DNAH17: variants seen among roughly 807,000 people sequenced by gnomAD.
DNAH17 encodes dynein axonemal heavy chain 17, also known as axonemal beta dynein heavy chain 17.
DNAH17 carries 376 observed loss-of-function variants against 485.6 expected under a neutral mutation model. The observed-to-expected ratio is 0.77, with a 90% CI of 0.71 to 0.84. DNAH17 has a LOEUF of 0.84. DNAH17 is among the 40% of genes least tolerant of loss of function. The pLI is 0.00. For missense variants in DNAH17, 6,370 were observed against 5,839.3 expected (o/e 1.09, Z -2.96); for synonymous variants, 3,031 against 2,405.9 (o/e 1.26, Z -7.60).
At chr17:78,479,781 T>A in intron 49 of DNAH17, 149 bp from the exon 50 acceptor site, 1 of 1,051,282 alleles carries the variant, frequency 9.5e-7, no homozygotes, top group Non-Finnish European at 1.4e-6. Flanking sequence ...CCTTGTGCCT[T>A]GCATGTGGTA....
chr17:78,570,790 G>A (rs941422937), intron 6 of DNAH17, among the ~76,000 whole-genome samples, 158 bp downstream of exon 6: 1 of 146,742 alleles, frequency 6.8e-6, no homozygotes, highest in African/African-American at 2.5e-5. Flanking sequence ...CCAGGGAGTT[G>A]GAGGTTGCAG....
chr17:78,531,950 A>G (rs2091251654), intron 20 of DNAH17, among the ~76,000 whole-genome samples: 1 of 152,216 alleles, frequency 6.6e-6, no homozygotes, highest in Non-Finnish European at 1.5e-5. Flanking sequence ...ATTTTGAGAG[A>G]CAACAAACAA....
At chr17:78,452,156 C>T (rs985681651) in intron 65 of DNAH17, among the ~76,000 whole-genome samples, 4 of 151,956 alleles carry the variant, frequency 2.6e-5, no homozygotes, top group Non-Finnish European at 1.5e-5. Flanking sequence ...TCAGCACTCA[C>T]ACCAGGCCCC....
In DNAH17 at chr17:78,501,777, C is replaced by T. The variant is rs757081109; in HGVS notation, c.5287G>A (p.Ala1763Thr). 9.6e-5 allele frequency: 155 copies of T among 1,613,756 alleles called. No homozygotes were observed. Among genetic ancestry groups the T allele is most frequent in the East Asian group, 4.5e-5 (2 of 44,894 alleles). ...IMTICTIDVH[A>T]RDVVAKMIVA... ...ATCATTTTGGCCACCACGTCCCGTG[C>T]GTGCACATCGATGGTGCAGATGGTC... Residue 1763 changes from alanine to threonine, a missense_variant, in exon 34 of 81, where the codon GCA (alanine) becomes ACA (threonine). Ala to Thr is a moderately conservative substitution (Grantham distance 58). Transcript: ENST00000389840.
intron 14 of DNAH17, among the ~76,000 whole-genome samples, chr17:78,554,473 G>A (rs10454081): frequency 0.017 from 2,079 of 123,490 alleles, 1 homozygote; most frequent in Non-Finnish European, 0.022. Context: ...AAAAAAAAAG[G>A]ATAGGTTCTA....
chr17:78,489,781 T>C (rs116694715), intron 44 of DNAH17, among the ~76,000 whole-genome samples: 8,730 of 116,392 alleles, frequency 0.075, 885 homozygotes, highest in African/African-American at 0.25. Flanking sequence ...TGGAATATCC[T>C]GGGGTTGGAC....
At chr17:78,478,974 T>A (rs191073951) in intron 51 of DNAH17, 51 bp downstream of exon 51, 62 of 1,512,380 alleles carry the variant, frequency 4.1e-5, no homozygotes, top group Non-Finnish European at 5.6e-5. Flanking sequence ...CACCTGTGGA[T>A]CAGGCACTGG....
At chr17:78,431,808 G>C (rs531143221) in intron 75 of DNAH17, among the ~76,000 whole-genome samples, 2 of 152,112 alleles carry the variant, frequency 1.3e-5, no homozygotes, top group Non-Finnish European at 2.9e-5. Context: ...CATGGTACTC[G>C]CGCGGCTTCT....
At chr17:78,552,064 A>T (rs2091914443) in intron 15 of DNAH17, among the ~76,000 whole-genome samples, 1 of 152,222 alleles carries the variant, frequency 6.6e-6, no homozygotes. Context: ...CTATTCTGGA[A>T]CATGATTCCC....
intron 25 of DNAH17, among the ~76,000 whole-genome samples, chr17:78,521,686 T>A (rs1216443217): frequency 6.6e-6 from 1 of 152,050 alleles, no homozygotes; most frequent in African/African-American, 2.4e-5. Flanking sequence ...TTAAAAACTT[T>A]AAAGATTATA....
At chr17:78,440,920 A>G in intron 72 of DNAH17, 131 bp downstream of exon 72, 1 of 1,114,234 alleles carries the variant, frequency 9.0e-7, no homozygotes, top group Non-Finnish European at 1.3e-6. Flanking sequence ...GATCATTGCC[A>G]TCCTACCGGC....
intron 31 of DNAH17, 77 bp from the exon 32 acceptor site, chr17:78,503,088 T>C: frequency 6.7e-7 from 1 of 1,490,538 alleles, no homozygotes; most frequent in Non-Finnish European, 8.9e-7. Context: ...TTGTATTTGT[T>C]GTAAAGAAAA....
In DNAH17 at chr17:78,569,459, A is replaced by G. The variant is rs2143714562; in HGVS notation, c.1113T>C (p.Ser371=). 6.2e-7 allele frequency: 1 copy of G among 1,611,882 alleles called. No homozygotes were observed. Among genetic ancestry groups the G allele is most frequent in the South Asian group, 1.1e-5 (1 of 90,560 alleles). Residue 371 remains serine (S), a synonymous_variant, in exon 8 of 81, where the codon AGT becomes AGC. Coordinates refer to ENST00000389840, the MANE Select transcript of DNAH17 (RefSeq NM_173628.4). ...GCACATTTACAGCCAGGGAGATGCC[A>G]CTCAGGACTTCCTCGATTTCACCTT... ...GLQGEIEEVL[S]GISLAVNVLK...
chr17:78,462,046 C>G (rs1385788139), intron 57 of DNAH17, among the ~76,000 whole-genome samples: 6 of 151,968 alleles, frequency 3.9e-5, no homozygotes, highest in African/African-American at 1.5e-4. Context: ...GTGGCCTGTG[C>G]CCATGGTCCC....
rs768083319 is a variant in DNAH17, at chr17:78,486,443, G to A, written c.6882C>T (p.Leu2294=). 3 of 1,613,546 alleles carry A rather than the reference G, an allele frequency of 1.9e-6. No homozygotes were observed. In the African/African-American group the frequency reaches 4.0e-5, roughly 22 times the overall value. Residue 2294 remains leucine (L), a synonymous_variant, in exon 45 of 81, where the codon CTC becomes CTT. Coordinates refer to ENST00000389840, the MANE Select transcript of DNAH17 (RefSeq NM_173628.4). The stretch of plus-strand genomic sequence containing the variant: ...GGCACGTGGGCAGGTACTTGTCAAA[G>A]AGGATCATCAGGTTGGCCTTCTCCG... ...VQSEKANLMI[L]FDKYLPTCLD... is the part of the protein sequence containing the mutation.
intron 9 of DNAH17, 127 bp downstream of exon 9, chr17:78,569,039 T>TA (rs2092311686): frequency 1.4e-6 from 1 of 736,684 alleles, no homozygotes; most frequent in Non-Finnish European, 2.3e-6. Context: ...ATAACAGATA[T>TA]TTGGGCCTCA....
chr17:78,444,805 C>T lies in DNAH17; in HGVS notation c.11335-8G>A, dbSNP rs1344922699. The T allele has an allele frequency of 3.9e-6, 6 of 1,554,200 alleles. No individual in the cohort carries two copies. The highest frequency in any genetic ancestry group is 5.2e-6 in the Non-Finnish European group (6 of 1,152,620). On this transcript the variant is annotated splice_polypyrimidine_tract_variant and splice_region_variant and intron_variant, in intron 70 of 80. Coordinates refer to ENST00000389840, the MANE Select transcript of DNAH17 (RefSeq NM_173628.4). Reference sequence around the variant, plus strand: ...ATCCATCTCCGAGAGGGCCTAGGGGCAGAGGCAGCGGGCCCTGTGACTCTT... The same window carrying T: ...ATCCATCTCCGAGAGGGCCTAGGGGTAGAGGCAGCGGGCCCTGTGACTCTT...
At position 78,479,052 on chromosome 17, in the gene DNAH17, G is replaced by GT. The variant is rs1469687478; in HGVS notation, c.7964dup (p.Asn2655LysfsTer33). 6.2e-7 allele frequency: 1 copy of GT among 1,614,014 alleles called. No homozygotes were observed. Among genetic ancestry groups the GT allele is most frequent in the Non-Finnish European group, 8.5e-7 (1 of 1,179,894 alleles). ...GGAAAATATTGGAGAGGTCCCTGAG[G>GT]TTGAAGACATAATGAAACTTAATGG... On this transcript the variant is annotated frameshift_variant, in exon 51 of 81. Transcript: ENST00000389840. LOFTEE classifies it high-confidence loss of function.
At chr17:78,445,713 C>T (rs756720038) in intron 69 of DNAH17, 33 bp from the exon 70 acceptor site, 14 of 1,580,214 alleles carry the variant, frequency 8.9e-6, no homozygotes, top group Non-Finnish European at 1.1e-5. Context: ...ACACTTAACG[C>T]AGCCAGTAAA....
Sources: allele counts gnomAD v4.1 joint callset (sites outside exome capture counted in the v4.1 genomes callset), GRCh38; gene constraint gnomAD v4.1.1; transcripts MANE v1.5; gene names NCBI Gene and HGNC (gene_info 2026-07-23, HGNC 2026-07-21).